The following PCBP1 variants were observed in gnomAD, a reference collection of about 807,000 sequenced individuals.
PCBP1 encodes the protein poly(rC)-binding protein 1.
For synonymous variants in PCBP1, 284 were observed against 195.8 expected (o/e 1.45, Z -3.76); for missense variants, 244 against 474.4 (o/e 0.51, Z 4.51).
chr2:70,088,952 T>G lies in PCBP1; in HGVS notation c.*138T>G. On this transcript the variant is annotated 3_prime_UTR_variant, in exon 1 of 1. Transcript: ENST00000303577. This position sits in a 1 kb window ranked among gnomAD's most constrained non-coding sequence, Gnocchi z 4.5. Reference sequence around the variant, plus strand: ...CACAACTTTATCATCCGCTAAGAATTTAAAAATCACATTCTCTGTTCAGCT... The same window carrying G: ...CACAACTTTATCATCCGCTAAGAATGTAAAAATCACATTCTCTGTTCAGCT... The G allele has an allele frequency of 1.6e-6, 1 of 633,526 alleles. No homozygotes were observed. Among genetic ancestry groups the G allele is most frequent in the Non-Finnish European group, 2.7e-6 (1 of 365,418 alleles). 39.2% of individuals were successfully genotyped at this position (633,526 alleles called of 1,614,324 possible).
In PCBP1 at chr2:70,087,781, C is replaced by G. The variant is rs781557396; in HGVS notation, c.38C>G (p.Thr13Ser). The G allele has an allele frequency of 1.9e-6, 3 of 1,576,698 alleles. No individual in the cohort carries two copies. Among genetic ancestry groups the G allele is most frequent in the Admixed American group, 1.8e-5 (1 of 55,970 alleles). ...AGVTESGLNVTLTIRLLMHGK... is the reference protein window; with the variant it reads ...AGVTESGLNVSLTIRLLMHGK... Reference sequence around the variant, plus strand: ...GTGACTGAAAGTGGACTAAATGTGACTCTCACCATTCGGCTTCTTATGCAC... The same window carrying G: ...GTGACTGAAAGTGGACTAAATGTGAGTCTCACCATTCGGCTTCTTATGCAC... The change falls in exon 1 of 1, where the codon ACT becomes AGT. Residue 13 changes from threonine to serine, a missense_variant. Physicochemically the swap from Thr to Ser is moderately conservative, Grantham distance 58. Coordinates refer to ENST00000303577, the MANE Select transcript of PCBP1 (RefSeq NM_006196.4).
chr2:70,087,561 T>TCCGCCG lies in PCBP1; in HGVS notation c.-174_-169dup, dbSNP rs1182823147. On this transcript the variant is annotated 5_prime_UTR_variant, in exon 1 of 1. Coordinates refer to ENST00000303577, the MANE Select transcript of PCBP1 (RefSeq NM_006196.4). ...GCCGCTCCCGGCCCCGCTCGCCCCC[T>TCCGCCG]CCGCCGCCGCCGCCCGCCCCTGCGA... The TCCGCCG allele has an allele frequency of 3.8e-3, 153 of 39,834 alleles. 2 individuals carry two copies. Among genetic ancestry groups the TCCGCCG allele is most frequent in the South Asian group, 0.029 (54 of 1,834 alleles). The allele number at this position is 39,834 out of a possible 1,614,324, so 2.5% of individuals were successfully genotyped here.
Position 70,087,701 on chromosome 2 carries a change from A to G in PCBP1, c.-43A>G, listed in dbSNP as rs201027527. The stretch of plus-strand genomic sequence containing the variant: ...CCCGCCAGCCGCCAAAGACTTGACC[A>G]CGTAACGAGCCCAACTCCCCCGAAC... On this transcript the variant is annotated 5_prime_UTR_variant, in exon 1 of 1. Transcript: ENST00000303577. 7.0e-4 allele frequency: 931 copies of G among 1,335,400 alleles called. No individual in the cohort carries two copies. Among genetic ancestry groups the G allele is most frequent in the Non-Finnish European group, 9.3e-4 (897 of 967,700 alleles). 82.7% of individuals were successfully genotyped at this position (1,335,400 alleles called of 1,614,324 possible).
chr2:70,087,629 C>A lies in PCBP1; in HGVS notation c.-115C>A, dbSNP rs1671348542. 1 of 604,130 alleles carries A rather than the reference C, an allele frequency of 1.7e-6. No individual in the cohort carries two copies. The highest frequency in any genetic ancestry group is 3.3e-5 in the Admixed American group (1 of 30,104). The allele number at this position is 604,130 out of a possible 1,614,324, so 37.4% of individuals were successfully genotyped here. A position where few individuals can be genotyped will look rare whatever the true frequency, so the allele number is the denominator to read the frequency against. ...GCCCGCTCCCGCTCGCTCCCGCGGC[C>A]CTCGCTCGCCTCGCGCCGGCAGTTT... On this transcript the variant is annotated 5_prime_UTR_variant, in exon 1 of 1. Coordinates refer to ENST00000303577, the MANE Select transcript of PCBP1 (RefSeq NM_006196.4).
chr2:70,088,709 C>G lies in PCBP1; in HGVS notation c.966C>G (p.Ser322=), dbSNP rs371196540. The G allele has an allele frequency of 6.2e-7, 1 of 1,614,248 alleles. No individual in the cohort carries two copies. Among genetic ancestry groups the G allele is most frequent in the Non-Finnish European group, 8.5e-7 (1 of 1,180,042 alleles). Residue 322 remains serine (S), a synonymous_variant, in exon 1 of 1, where the codon TCC becomes TCG. Transcript: ENST00000303577. This position sits in a 1 kb window ranked among gnomAD's most constrained non-coding sequence, Gnocchi z 4.5. ...AAATTGCCAACCCAGTGGAAGGCTC[C>G]TCTGGTAGGCAGGTTACTATCACTG... ...QIKIANPVEG[S]SGRQVTITGS...
Position 70,088,790 on chromosome 2 carries a change from T to C in PCBP1, c.1047T>C (p.Ser349=). 4.3e-6 allele frequency: 7 copies of C among 1,613,180 alleles called. No homozygotes were observed. The highest frequency in any genetic ancestry group is 5.9e-6 in the Non-Finnish European group (7 of 1,179,578). The change falls in exon 1 of 1, where the codon TCT becomes TCC. Residue 349 remains serine (S), a synonymous_variant. Transcript: ENST00000303577. The surrounding 1 kb of genome is among the most constrained non-coding windows in gnomAD (Gnocchi z 4.5). ...AQYLINARLS[S]EKGMGCS Reference sequence around the variant, plus strand: ...ATCTAATCAATGCCAGGCTTTCCTCTGAGAAGGGCATGGGGTGCAGCTAGA... The same window carrying C: ...ATCTAATCAATGCCAGGCTTTCCTCCGAGAAGGGCATGGGGTGCAGCTAGA...
Position 70,088,235 on chromosome 2 carries a change from G to A in PCBP1, c.492G>A (p.Leu164=). 1.2e-6 allele frequency: 2 copies of A among 1,613,856 alleles called. No homozygotes were observed. The highest frequency in any genetic ancestry group is 1.7e-6 in the Non-Finnish European group (2 of 1,180,008). ...SVTECVKQIC[L]VMLETLSQSP... The stretch of plus-strand genomic sequence containing the variant: ...CCGAGTGTGTCAAGCAGATTTGCCT[G>A]GTCATGCTGGAGACGCTCTCCCAGT... Residue 164 remains leucine (L), a synonymous_variant, in exon 1 of 1, where the codon CTG becomes CTA. Transcript: ENST00000303577. This position sits in a 1 kb window ranked among gnomAD's most constrained non-coding sequence, Gnocchi z 4.5.
chr2:70,087,619 C>G lies in PCBP1; in HGVS notation c.-125C>G, dbSNP rs1193700314. ...GCGGCCTCCCGCCCGCTCCCGCTCG[C>G]TCCCGCGGCCCTCGCTCGCCTCGCG... On this transcript the variant is annotated 5_prime_UTR_variant, in exon 1 of 1. Coordinates refer to ENST00000303577, the MANE Select transcript of PCBP1 (RefSeq NM_006196.4). 3 of 529,948 alleles carry G rather than the reference C, an allele frequency of 5.7e-6. No individual in the cohort carries two copies. Among genetic ancestry groups the G allele is most frequent in the Non-Finnish European group, 9.4e-6 (3 of 319,580 alleles). The allele number at this position is 529,948 out of a possible 1,614,324, so 32.8% of individuals were successfully genotyped here. A position where few individuals can be genotyped will look rare whatever the true frequency, so the allele number is the denominator to read the frequency against.
In PCBP1 at chr2:70,087,887, C is replaced by T. The variant is rs751283142; in HGVS notation, c.144C>T (p.Asn48=). The stretch of plus-strand genomic sequence containing the variant: ...GCGAGGAGAGTGGCGCGCGGATCAA[C>T]ATCTCGGAGGGGAATTGTCCGGAGA... ...RIREESGARI[N]ISEGNCPERI... is the part of the protein sequence containing the mutation. The change falls in exon 1 of 1, where the codon AAC becomes AAT. Residue 48 remains asparagine (N), a synonymous_variant. Transcript: ENST00000303577. 3.7e-6 allele frequency: 6 copies of T among 1,612,160 alleles called. No individual in the cohort carries two copies. The highest frequency in any genetic ancestry group is 2.2e-5 in the East Asian group (1 of 44,830).
In PCBP1 at chr2:70,088,063, C is replaced by G; in HGVS notation, c.320C>G (p.Thr107Ser). The G allele has an allele frequency of 1.2e-6, 2 of 1,613,608 alleles. No homozygotes were observed. Among genetic ancestry groups the G allele is most frequent in the Non-Finnish European group, 1.7e-6 (2 of 1,179,978 alleles). Residue 107 changes from threonine to serine, a missense_variant, in exon 1 of 1, where the codon ACC (threonine) becomes AGC (serine). By Grantham distance (58) the Thr-to-Ser change is moderately conservative. Transcript: ENST00000303577. The surrounding 1 kb of genome is among the most constrained non-coding windows in gnomAD (Gnocchi z 4.5). ...PVTLRLVVPATQCGSLIGKGG... is the reference protein window; with the variant it reads ...PVTLRLVVPASQCGSLIGKGG... Reference sequence around the variant, plus strand: ...ACCCTGAGGCTGGTGGTGCCGGCCACCCAGTGCGGCTCCCTGATTGGGAAA... The same window carrying G: ...ACCCTGAGGCTGGTGGTGCCGGCCAGCCAGTGCGGCTCCCTGATTGGGAAA...
chr2:70,088,444 A>G lies in PCBP1; in HGVS notation c.701A>G (p.Asp234Gly). The G allele has an allele frequency of 6.2e-7, 1 of 1,614,190 alleles. No individual in the cohort carries two copies. The highest frequency in any genetic ancestry group is 8.5e-7 in the Non-Finnish European group (1 of 1,180,030). Reference protein sequence around the residue: ...IQGQHTISPLDLAKLNQVARQ... With the variant: ...IQGQHTISPLGLAKLNQVARQ... ...GGACAACACACCATTTCTCCGCTCG[A>G]TCTGGCCAAGCTGAACCAGGTGGCA... The change falls in exon 1 of 1, where the codon GAT becomes GGT. Residue 234 changes from aspartate (D) to glycine (G), a missense_variant. Asp to Gly is a moderately conservative substitution (Grantham distance 94, BLOSUM62 -1). Coordinates refer to ENST00000303577, the MANE Select transcript of PCBP1 (RefSeq NM_006196.4). The surrounding 1 kb of genome is among the most constrained non-coding windows in gnomAD (Gnocchi z 4.5).
rs778437246 is a variant in PCBP1 at position 70,087,707 on chromosome 2, C to A, written c.-37C>A. On this transcript the variant is annotated 5_prime_UTR_variant, in exon 1 of 1. Coordinates refer to ENST00000303577, the MANE Select transcript of PCBP1 (RefSeq NM_006196.4). The stretch of plus-strand genomic sequence containing the variant: ...AGCCGCCAAAGACTTGACCACGTAA[C>A]GAGCCCAACTCCCCCGAACGCCGCC... 3 of 1,386,358 alleles carry A rather than the reference C, an allele frequency of 2.2e-6. No individual in the cohort carries two copies. Among genetic ancestry groups the A allele is most frequent in the South Asian group, 1.4e-5 (1 of 73,548 alleles). 85.9% of individuals were successfully genotyped at this position (1,386,358 alleles called of 1,614,324 possible).
In PCBP1 at chr2:70,087,771, C is replaced by T. The variant is rs747421553; in HGVS notation, c.28C>T (p.Leu10=). The T allele has an allele frequency of 1.9e-6, 3 of 1,564,714 alleles. No individual in the cohort carries two copies. The highest frequency in any genetic ancestry group is 1.2e-5 in the South Asian group (1 of 84,094). The stretch of plus-strand genomic sequence containing the variant: ...GGATGCCGGTGTGACTGAAAGTGGA[C>T]TAAATGTGACTCTCACCATTCGGCT... MDAGVTESG[L]NVTLTIRLLM... is the part of the protein sequence containing the mutation. The change falls in exon 1 of 1, where the codon CTA becomes TTA. Residue 10 remains leucine, a synonymous_variant. Coordinates refer to ENST00000303577, the MANE Select transcript of PCBP1 (RefSeq NM_006196.4).
In PCBP1 at chr2:70,088,832, CAAT is replaced by C. The variant is rs1671380782; in HGVS notation, c.*21_*23del. On this transcript the variant is annotated 3_prime_UTR_variant, in exon 1 of 1. Coordinates refer to ENST00000303577, the MANE Select transcript of PCBP1 (RefSeq NM_006196.4). The surrounding 1 kb of genome is among the most constrained non-coding windows in gnomAD (Gnocchi z 4.5). ...GCAGCTAGAACAGTGTAGGTTCCCT[CAAT>C]AACCCCTTTCTGCTGTTCTCCCATG... 1 of 1,541,988 alleles carries C rather than the reference CAAT, an allele frequency of 6.5e-7. No individual in the cohort carries two copies. The highest frequency in any genetic ancestry group is 8.9e-7 in the Non-Finnish European group (1 of 1,126,448).
chr2:70,088,093 G>A lies in PCBP1; in HGVS notation c.350G>A (p.Gly117Glu). ...TGCGGCTCCCTGATTGGGAAAGGCGGGTGTAAGATCAAAGAGATCCGCGAG... is the reference window on the plus strand; with the variant it reads ...TGCGGCTCCCTGATTGGGAAAGGCGAGTGTAAGATCAAAGAGATCCGCGAG... ...TQCGSLIGKG[G>E]CKIKEIREST... The change falls in exon 1 of 1, where the codon GGG becomes GAG. Residue 117 changes from glycine to glutamate, a missense_variant. Physicochemically the swap from Gly to Glu is moderately conservative, Grantham distance 98. Coordinates refer to ENST00000303577, the MANE Select transcript of PCBP1 (RefSeq NM_006196.4). The surrounding 1 kb of genome is among the most constrained non-coding windows in gnomAD (Gnocchi z 4.5). The A allele has an allele frequency of 6.2e-7, 1 of 1,613,830 alleles. No homozygotes were observed. Among genetic ancestry groups the A allele is most frequent in the Non-Finnish European group, 8.5e-7 (1 of 1,180,010 alleles).
At position 70,088,418 on chromosome 2, in the gene PCBP1, A is replaced by C. The variant is rs756348407; in HGVS notation, c.675A>C (p.Gln225His). 1 of 1,614,052 alleles carries C rather than the reference A, an allele frequency of 6.2e-7. No homozygotes were observed. Among genetic ancestry groups the C allele is most frequent in the Non-Finnish European group, 8.5e-7 (1 of 1,180,052 alleles). The change falls in exon 1 of 1, where the codon CAA becomes CAC. Residue 225 changes from glutamine (Q) to histidine (H), a missense_variant. Transcript: ENST00000303577. This position sits in a 1 kb window ranked among gnomAD's most constrained non-coding sequence, Gnocchi z 4.5. ...CACCTCTAGATGCCTACTCGATTCA[A>C]GGACAACACACCATTTCTCCGCTCG... ...EGPPLDAYSI[Q>H]GQHTISPLDL...
chr2:70,088,670 C>A lies in PCBP1; in HGVS notation c.927C>A (p.Ser309=). Residue 309 remains serine, a synonymous_variant, in exon 1 of 1, where the codon TCC becomes TCA. Transcript: ENST00000303577. This position sits in a 1 kb window ranked among gnomAD's most constrained non-coding sequence, Gnocchi z 4.5. The part of the protein sequence containing the change: ...GANINEIRQM[S]GAQIKIANPV... ...ACATTAATGAGATCCGCCAGATGTC[C>A]GGGGCCCAGATCAAAATTGCCAACC... The A allele has an allele frequency of 6.2e-7, 1 of 1,614,256 alleles. No homozygotes were observed. The highest frequency in any genetic ancestry group is 8.5e-7 in the Non-Finnish European group (1 of 1,180,052).
Position 70,087,490 on chromosome 2 carries a change from T to TGCCGCCGGAGTC in PCBP1, c.-250_-239dup, listed in dbSNP as rs1436149694. 1 of 149,208 alleles carries TGCCGCCGGAGTC rather than the reference T, an allele frequency of 6.7e-6. No homozygotes were observed. The highest frequency in any genetic ancestry group is 1.5e-5 in the Non-Finnish European group (1 of 66,814). The allele number at this position is 149,208 out of a possible 1,614,324, so 9.2% of individuals were successfully genotyped here. Reference sequence around the variant, plus strand: ...CCCGCCCCGCCCAGACCGCCGAGGCTGCCGCCGGAGTCGCCACCGCCGCGC... The same window carrying TGCCGCCGGAGTC: ...CCCGCCCCGCCCAGACCGCCGAGGCTGCCGCCGGAGTCGCCGCCGGAGTCGCCACCGCCGCGC... On this transcript the variant is annotated 5_prime_UTR_variant, in exon 1 of 1. Transcript: ENST00000303577.
chr2:70,088,434 T>C lies in PCBP1; in HGVS notation c.691T>C (p.Ser231Pro). ...CTCGATTCAAGGACAACACACCATTTCTCCGCTCGATCTGGCCAAGCTGAA... is the reference window on the plus strand; with the variant it reads ...CTCGATTCAAGGACAACACACCATTCCTCCGCTCGATCTGGCCAAGCTGAA... The part of the protein sequence containing the change: ...AYSIQGQHTI[S>P]PLDLAKLNQV... The change falls in exon 1 of 1, where the codon TCT becomes CCT. Residue 231 changes from serine to proline, a missense_variant. Coordinates refer to ENST00000303577, the MANE Select transcript of PCBP1 (RefSeq NM_006196.4). This position sits in a 1 kb window ranked among gnomAD's most constrained non-coding sequence, Gnocchi z 4.5. 6.2e-7 allele frequency: 1 copy of C among 1,614,064 alleles called. No homozygotes were observed. The highest frequency in any genetic ancestry group is 8.5e-7 in the Non-Finnish European group (1 of 1,180,018).
Sources: gnomAD v4.1 joint callset for allele counts on GRCh38, gnomAD v4.1.1 for gene constraint, Gnocchi (gnomAD v3.1) non-coding constraint, MANE v1.5 for transcripts, NCBI Gene and HGNC (gene_info 2026-07-23, HGNC 2026-07-21) for gene names.